Variants in TBCK observed in about 807,000 individuals in gnomAD.
TBCK encodes the protein TBC1 domain containing kinase, also known as TBC domain-containing protein kinase-like protein.
Under a neutral mutation model 113.4 loss-of-function variants are expected in TBCK, and 99 were observed. The observed-to-expected ratio is 0.87, with a 90% CI of 0.74 to 1.03. TBCK has a LOEUF of 1.03. Among genes scored for constraint, TBCK ranks in the 50% least tolerant of loss-of-function variants. TBCK has a pLI of 0.00. For synonymous variants in TBCK, 369 were observed against 370.8 expected (o/e 1.00, Z 0.05); for missense variants, 1,045 against 1,061.3 (o/e 0.98, Z 0.21).
At chr4:106,261,762 C>A (rs1385321684) in intron 4 of TBCK, among the ~76,000 whole-genome samples, 3 of 151,682 alleles carry the variant, frequency 2.0e-5, no homozygotes, top group African/African-American at 7.3e-5. Flanking sequence ...GCAAAAAGAG[C>A]CATTTTCTTA....
intron 6 of TBCK, chr4:106,251,129 C>A: frequency 5.0e-6 from 2 of 396,918 alleles, no homozygotes; most frequent in Non-Finnish European, 1.0e-5. Context: ...TGGACTCTTC[C>A]ACCATCAAAT....
At chr4:106,162,734 C>G (rs1172994866) in intron 23 of TBCK, among the ~76,000 whole-genome samples, 1 of 152,174 alleles carries the variant, frequency 6.6e-6, no homozygotes, top group African/African-American at 2.4e-5. Context: ...TCAGCCACAG[C>G]TGAAGCTGAA....
intron 25 of TBCK, among the ~76,000 whole-genome samples, chr4:106,076,065 C>CTAAG (rs1224143447): frequency 6.6e-6 from 1 of 152,300 alleles, no homozygotes; most frequent in East Asian, 1.9e-4. Context: ...AACTTTGAGT[C>CTAAG]TAAGTTTTCT....
At position 106,185,030 on chromosome 4, in the gene TBCK, CTCTT is replaced by C. The variant is rs33915839; in HGVS notation, c.2059+8575_2059+8578del. Among the ~76,000 whole-genome samples the C allele has an allele frequency of 3.7e-3, 563 of 152,078 alleles. 3 individuals are homozygous for C. The highest frequency in any genetic ancestry group is 0.013 in the African/African-American group (526 of 41,542). On this transcript the variant is annotated intron_variant, in intron 22 of 25. Coordinates refer to ENST00000394708, the MANE Select transcript of TBCK (RefSeq NM_001163435.3). Reference sequence around the variant, plus strand: ...AGGTCAGTTGCAGCCATCGTTTTCTCTCTTTCTTTTACACTTCACGGTGAATCAG... The same window carrying C: ...AGGTCAGTTGCAGCCATCGTTTTCTCTCTTTTACACTTCACGGTGAATCAG...
chr4:106,173,546 T>G (rs1418980420), intron 22 of TBCK, among the ~76,000 whole-genome samples: 1 of 152,104 alleles, frequency 6.6e-6, no homozygotes, highest in Non-Finnish European at 1.5e-5. Context: ...GAGTAAAGGT[T>G]GTAGTGCAGT....
intron 23 of TBCK, among the ~76,000 whole-genome samples, chr4:106,142,317 A>G (rs888879006): frequency 6.6e-6 from 1 of 152,148 alleles, no homozygotes; most frequent in Non-Finnish European, 1.5e-5. Context: ...TTTAGCAGTA[A>G]TTCTCTAACA....
intron 19 of TBCK, among the ~76,000 whole-genome samples, chr4:106,218,083 A>G (rs1459256447): frequency 6.8e-6 from 1 of 146,594 alleles, no homozygotes; most frequent in Non-Finnish European, 1.5e-5. Context: ...CAACTATCTG[A>G]TCTTTCACAA....
intron 24 of TBCK, among the ~76,000 whole-genome samples, chr4:106,108,280 C>T (rs1311867549): frequency 4.6e-5 from 7 of 151,202 alleles, no homozygotes; most frequent in Admixed American, 2.0e-4. Flanking sequence ...ATCTTCATAC[C>T]AAAGCCTGGC....
intron 25 of TBCK, among the ~76,000 whole-genome samples, chr4:106,089,324 G>A (rs78336797): frequency 0.063 from 9,565 of 152,198 alleles, 356 homozygotes; most frequent in Non-Finnish European, 0.081. Context: ...ATTCATGAGC[G>A]ATCTTCCCCC....
Position 106,093,277 on chromosome 4 carries a change from C to T in TBCK, c.2571+2205G>A, listed in dbSNP as rs376059363. On this transcript the variant is annotated intron_variant, in intron 25 of 25. Coordinates refer to ENST00000394708, the MANE Select transcript of TBCK (RefSeq NM_001163435.3). Reference sequence around the variant, plus strand: ...ATCCCAGCACTTTGGGAGGCCGAGGCGGGCAGATCACTAGGTCAGGAGATT... The same window carrying T: ...ATCCCAGCACTTTGGGAGGCCGAGGTGGGCAGATCACTAGGTCAGGAGATT... 4.6e-5 allele frequency among the ~76,000 whole-genome samples: 7 copies of T among 152,112 alleles called. No individual in the cohort carries two copies. In the East Asian group the frequency reaches 7.7e-4, roughly 17 times the overall value.
At chr4:106,063,705 C>A (rs1022561417) in intron 25 of TBCK, among the ~76,000 whole-genome samples, 4 of 151,550 alleles carry the variant, frequency 2.6e-5, no homozygotes, top group African/African-American at 9.7e-5. Flanking sequence ...GGAGGGAGGG[C>A]CTTTGGGGGT....
intron 3 of TBCK, among the ~76,000 whole-genome samples, chr4:106,271,433 G>C (rs1763468435): frequency 6.6e-6 from 1 of 152,092 alleles, no homozygotes; most frequent in South Asian, 2.1e-4. Flanking sequence ...GAATCTATAA[G>C]ATGGTAGCTA....
intron 25 of TBCK, among the ~76,000 whole-genome samples, chr4:106,049,272 A>G (rs374793693): frequency 6.6e-6 from 1 of 152,060 alleles, no homozygotes; most frequent in African/African-American, 2.4e-5. Flanking sequence ...GTATTAGACA[A>G]TTAATATGAA....
intron 11 of TBCK, among the ~76,000 whole-genome samples, chr4:106,243,214 T>C (rs1167127071): frequency 2.0e-5 from 3 of 152,074 alleles, no homozygotes; most frequent in African/African-American, 4.8e-5. Context: ...GTATAGAGAA[T>C]TTCAGAAAAA....
upstream of TBCK, chr4:106,316,236 T>C (rs1768847228): frequency 3.5e-6 from 1 of 284,556 alleles, no homozygotes; most frequent in Middle Eastern, 9.9e-4. Context: ...GGCCTTTTCT[T>C]CCGCCCTCAC....
At chr4:106,213,458 G>C (rs1054941719) in intron 19 of TBCK, 1 of 162,092 alleles carries the variant, frequency 6.2e-6, no homozygotes, top group Non-Finnish European at 1.3e-5. Context: ...TTGAGGTACC[G>C]GGTTCATCTC....
intron 11 of TBCK, 74 bp downstream of exon 11, chr4:106,244,552 T>C: frequency 4.1e-6 from 5 of 1,224,946 alleles, no homozygotes; most frequent in Non-Finnish European, 5.3e-6. Flanking sequence ...ACCGATTTTC[T>C]TTTTTATTAT....
intron 23 of TBCK, among the ~76,000 whole-genome samples, chr4:106,144,224 T>C (rs1168997912): frequency 6.6e-6 from 1 of 152,208 alleles, no homozygotes; most frequent in East Asian, 1.9e-4. Context: ...GGAACTGATA[T>C]ACTGTGGGAA....
chr4:106,200,838 A>C (rs1217731215), intron 20 of TBCK, among the ~76,000 whole-genome samples: 1 of 152,100 alleles, frequency 6.6e-6, no homozygotes, highest in Non-Finnish European at 1.5e-5. Context: ...CACAATGAAA[A>C]TCAATGAAAG....
Sources: allele counts gnomAD v4.1 joint callset (sites outside exome capture counted in the v4.1 genomes callset), GRCh38; gene constraint gnomAD v4.1.1; transcripts MANE v1.5; gene names NCBI Gene and HGNC (gene_info 2026-07-23, HGNC 2026-07-21).